Variants in MAML2 observed in about 807,000 individuals in gnomAD.
MAML2 encodes mastermind like transcriptional coactivator 2.
Under a neutral mutation model 96.1 loss-of-function variants are expected in MAML2, and 22 were observed. That is an observed-to-expected ratio of 0.23 (90% CI 0.16 to 0.33). The LOEUF is 0.33. Ranked by LOEUF, MAML2 falls within the 10% of genes least tolerant of loss-of-function variation. MAML2 has a pLI of 1.00. For missense variants in MAML2, 1,367 were observed against 1,392.4 expected (o/e 0.98, Z 0.29); for synonymous variants, 561 against 521.3 (o/e 1.08, Z -1.04).
rs1357274930 is a variant in MAML2, at chr11:96,131,214, C to T, written c.514-37697G>A. Among the ~76,000 whole-genome samples the T allele has an allele frequency of 2.6e-5, 4 of 151,952 alleles. No individual in the cohort carries two copies. In the South Asian group the frequency reaches 6.3e-4, roughly 24 times the overall value. ...CATAAAGGCAAAGAATGACAAAAGG[C>T]TTAATCCACCTAGAAGACATAACAA... On this transcript the variant is annotated intron_variant, in intron 1 of 4. Transcript: ENST00000524717.
intron 1 of MAML2, among the ~76,000 whole-genome samples, chr11:96,217,161 G>C (rs1471241122): frequency 6.6e-6 from 1 of 152,204 alleles, no homozygotes; most frequent in Admixed American, 6.5e-5. Flanking sequence ...AGTATAACAA[G>C]TATTTGCTTA....
At chr11:96,229,390 G>A (rs958880562) in intron 1 of MAML2, among the ~76,000 whole-genome samples, 2 of 151,570 alleles carry the variant, frequency 1.3e-5, no homozygotes, top group Middle Eastern at 6.8e-3. Flanking sequence ...AGATCCTGCA[G>A]AGATTCCCTC....
At chr11:96,326,094 G>GCCCCCCCCCC (rs113693304) in intron 1 of MAML2, among the ~76,000 whole-genome samples, 2 of 61,890 alleles carry the variant, frequency 3.2e-5, no homozygotes, top group African/African-American at 6.6e-5. Context: ...TGTCTACCCC[G>GCCCCCCCCCC]CCCCCCCCCC....
chr11:96,153,349 C>G (rs967541910), intron 1 of MAML2, among the ~76,000 whole-genome samples: 8 of 152,116 alleles, frequency 5.3e-5, no homozygotes, highest in Non-Finnish European at 1.2e-4. Context: ...GGGGTCAACC[C>G]ACTTGGGTTC....
chr11:96,276,131 A>G (rs983108212), intron 1 of MAML2, among the ~76,000 whole-genome samples: 2 of 152,218 alleles, frequency 1.3e-5, no homozygotes, highest in Non-Finnish European at 2.9e-5. Context: ...AAGAAAGGAA[A>G]AAGGTAAAAT....
rs1404415653 is a variant in MAML2 at position 96,267,786 on chromosome 11, T to C, written c.513+73597A>G. ...GTAGAGTCTAATTATGGGAGGGCTGTCCCTCAAGCATGGTGGGAGGTAACC... is the reference window on the plus strand; with the variant it reads ...GTAGAGTCTAATTATGGGAGGGCTGCCCCTCAAGCATGGTGGGAGGTAACC... On this transcript the variant is annotated intron_variant, in intron 1 of 4. Transcript: ENST00000524717. Among the ~76,000 whole-genome samples the C allele has an allele frequency of 4.6e-5, 7 of 152,334 alleles. No individual in the cohort carries two copies. In the East Asian group the frequency reaches 1.3e-3, roughly 29 times the overall value.
chr11:96,181,899 C>T (rs887352610), intron 1 of MAML2, among the ~76,000 whole-genome samples: 7 of 152,228 alleles, frequency 4.6e-5, no homozygotes, highest in Admixed American at 3.3e-4. Flanking sequence ...ATCACAACCA[C>T]TATCTAATTC....
chr11:96,099,481 T>C (rs1213356731), intron 1 of MAML2, among the ~76,000 whole-genome samples: 3 of 152,210 alleles, frequency 2.0e-5, no homozygotes, highest in Admixed American at 1.3e-4. Flanking sequence ...TATTATTTTA[T>C]GGCCACACAG....
At chr11:96,313,658 A>T (rs1455540203) in intron 1 of MAML2, among the ~76,000 whole-genome samples, 1 of 152,140 alleles carries the variant, frequency 6.6e-6, no homozygotes, top group Non-Finnish European at 1.5e-5. Flanking sequence ...AACAAATCCT[A>T]CTAAGCCAAT....
intron 1 of MAML2, among the ~76,000 whole-genome samples, chr11:96,132,732 A>G (rs1386895698): frequency 1.3e-5 from 2 of 152,196 alleles, no homozygotes; most frequent in Non-Finnish European, 2.9e-5. Context: ...CTAACAAGTA[A>G]CTTACCTTGT....
chr11:96,084,879 G>A (rs139146133), intron 2 of MAML2, among the ~76,000 whole-genome samples: 29 of 152,264 alleles, frequency 1.9e-4, no homozygotes, highest in African/African-American at 3.9e-4. Context: ...TTAAGAGCCC[G>A]TGAAAAGCAA....
chr11:96,332,308 T>G (rs1033193543), intron 1 of MAML2, among the ~76,000 whole-genome samples: 1 of 152,154 alleles, frequency 6.6e-6, no homozygotes, highest in Non-Finnish European at 1.5e-5. Context: ...CTGAGGGAAA[T>G]GCTTAGCTGG....
At chr11:96,274,531 A>G (rs1296193043) in intron 1 of MAML2, among the ~76,000 whole-genome samples, 1 of 152,002 alleles carries the variant, frequency 6.6e-6, no homozygotes, top group Non-Finnish European at 1.5e-5. Context: ...CTTATTCCTT[A>G]TGAATTATGT....
At chr11:96,156,024 G>GC (rs1231269797) in intron 1 of MAML2, among the ~76,000 whole-genome samples, 1 of 152,020 alleles carries the variant, frequency 6.6e-6, no homozygotes, top group African/African-American at 2.4e-5. Context: ...TGTGCTGACC[G>GC]CCCCCCACTG....
intron 1 of MAML2, among the ~76,000 whole-genome samples, chr11:96,153,547 T>C (rs932665028): frequency 3.9e-5 from 6 of 152,230 alleles, no homozygotes; most frequent in Non-Finnish European, 8.8e-5. Context: ...TTTTTGACAT[T>C]CTCTCAAATT....
intron 2 of MAML2, among the ~76,000 whole-genome samples, chr11:96,047,184 A>T (rs576774797): frequency 4.6e-5 from 7 of 152,324 alleles, no homozygotes; most frequent in Admixed American, 4.6e-4. Context: ...TGCTTCCCCT[A>T]GTGCCTGGCA....
At chr11:96,159,404 A>ATTTTTTTT (rs1157893034) in intron 1 of MAML2, among the ~76,000 whole-genome samples, 734 of 61,836 alleles carry the variant, frequency 0.012, 38 homozygotes, top group East Asian at 0.024. Context: ...TAAACCACTG[A>ATTTTTTTT]TTCTTTTTTT....
chr11:96,146,155 G>A (rs1384019103), intron 1 of MAML2, among the ~76,000 whole-genome samples: 1 of 152,142 alleles, frequency 6.6e-6, no homozygotes, highest in African/African-American at 2.4e-5. Context: ...TATCATTGTG[G>A]TAGCATGGTA....
intron 1 of MAML2, among the ~76,000 whole-genome samples, chr11:96,339,621 C>T (rs776361858): frequency 6.6e-6 from 1 of 152,200 alleles, no homozygotes; most frequent in Non-Finnish European, 1.5e-5. Context: ...GCGGTTCCAT[C>T]CCCAGAAACA....
Sources: allele counts gnomAD v4.1 joint callset (sites outside exome capture counted in the v4.1 genomes callset), GRCh38; gene constraint gnomAD v4.1.1; transcripts MANE v1.5; gene names NCBI Gene and HGNC (gene_info 2026-07-23, HGNC 2026-07-21).